PRDM9: variants seen among roughly 807,000 people sequenced by gnomAD.
PRDM9 encodes the protein PR/SET domain 9, also known as histone-lysine N-methyltransferase PRDM9.
In PRDM9, 47 loss-of-function variants were observed where a neutral mutation model predicts 55.6. That is an observed-to-expected ratio of 0.85 (90% CI 0.67 to 1.08). The LOEUF is 1.08. Among genes scored for constraint, PRDM9 ranks in the 50% least tolerant of loss-of-function variants. PRDM9 has a pLI of 0.00. For missense variants in PRDM9, 867 were observed against 1,040.3 expected (o/e 0.83, Z 2.29); for synonymous variants, 312 against 375.7 (o/e 0.83, Z 1.96).
chr5:23,515,732 A>G (rs1471599931), intron 4 of PRDM9, among the ~76,000 whole-genome samples: 4 of 152,306 alleles, frequency 2.6e-5, no homozygotes, highest in Middle Eastern at 6.8e-3. Flanking sequence ...TTGCATATGT[A>G]TATCCAATTT....
intron 8 of PRDM9, 137 bp downstream of exon 8, chr5:23,523,022 G>A (rs1452160876): frequency 6.8e-6 from 10 of 1,466,060 alleles, no homozygotes; most frequent in African/African-American, 2.8e-5. Context: ...TTCTTTGCAT[G>A]AACACGGAAC....
rs1561016403 is a variant in PRDM9 at position 23,509,912 on chromosome 5, CT to C, written c.194-4del. On this transcript the variant is annotated splice_region_variant and splice_polypyrimidine_tract_variant and intron_variant, in intron 3 of 10. Coordinates refer to ENST00000296682, the MANE Select transcript of PRDM9 (RefSeq NM_020227.4). Reference sequence around the variant, plus strand: ...CCATTTTAGAACAAAATTTTTGCTTCTTTTCAGGTCTCAGAGCCACTCGACC... The same window carrying C: ...CCATTTTAGAACAAAATTTTTGCTTCTTTCAGGTCTCAGAGCCACTCGACC... The C allele has an allele frequency of 1.2e-6, 2 of 1,614,034 alleles. No homozygotes were observed. The highest frequency in any genetic ancestry group is 2.2e-5 in the South Asian group (2 of 91,072).
In PRDM9 at chr5:23,517,873, C is replaced by A. The variant is rs1394586754; in HGVS notation, c.302-8C>A. Reference sequence around the variant, plus strand: ...CAACCAAACCACTGATTTCTCATCACCTTTTAGTCAAACCTCCTTGGATGG... The same window carrying A: ...CAACCAAACCACTGATTTCTCATCAACTTTTAGTCAAACCTCCTTGGATGG... On this transcript the variant is annotated splice_polypyrimidine_tract_variant and splice_region_variant and intron_variant, in intron 4 of 10. Coordinates refer to ENST00000296682, the MANE Select transcript of PRDM9 (RefSeq NM_020227.4). 6.3e-7 allele frequency: 1 copy of A among 1,584,562 alleles called. No homozygotes were observed. The highest frequency in any genetic ancestry group is 1.7e-4 in the Middle Eastern group (1 of 6,026).
chr5:23,508,878 G>T, intron 1 of PRDM9, 72 bp from the exon 2 acceptor site: 1 of 832,580 alleles, frequency 1.2e-6, no homozygotes, highest in Non-Finnish European at 1.9e-6. Context: ...CCAGCCAGAT[G>T]GAGAAGACAG....
Position 23,508,984 on chromosome 5 carries a change from C to G in PRDM9, c.-50C>G, listed in dbSNP as rs773401054. 1.2e-6 allele frequency: 2 copies of G among 1,605,826 alleles called. No homozygotes were observed. The highest frequency in any genetic ancestry group is 1.1e-5 in the South Asian group (1 of 90,574). The stretch of plus-strand genomic sequence containing the variant: ...GCCTAGGAGCTGGGAGACTCAGGGC[C>G]CTTCTCACACTCAGAATTGGAGCAG... On this transcript the variant is annotated 5_prime_UTR_variant, in exon 2 of 11. Coordinates refer to ENST00000296682, the MANE Select transcript of PRDM9 (RefSeq NM_020227.4).
At chr5:23,520,752 T>C (rs773823837) in intron 5 of PRDM9, among the ~76,000 whole-genome samples, 14 of 152,174 alleles carry the variant, frequency 9.2e-5, no homozygotes, top group Non-Finnish European at 1.8e-4. Context: ...TTGTTGATTC[T>C]CCAGCTAGTC....
At chr5:23,510,764 T>C (rs960810490) in intron 4 of PRDM9, among the ~76,000 whole-genome samples, 3 of 151,728 alleles carry the variant, frequency 2.0e-5, no homozygotes, top group South Asian at 2.1e-4. Flanking sequence ...CTCAAACTCC[T>C]GGGCTTAAGC....
intron 4 of PRDM9, among the ~76,000 whole-genome samples, chr5:23,512,436 G>A (rs1406390103): frequency 2.0e-5 from 3 of 152,026 alleles, no homozygotes; most frequent in Non-Finnish European, 2.9e-5. Flanking sequence ...CCCATCTATG[G>A]ATTTTAGATT....
intron 10 of PRDM9, among the ~76,000 whole-genome samples, chr5:23,525,961 A>C (rs1267804969): frequency 2.0e-5 from 3 of 152,254 alleles, no homozygotes; most frequent in Middle Eastern, 3.4e-3. Context: ...CATCTATGTA[A>C]GGAATGACAC....
chr5:23,507,278 C>A (rs1479460590), upstream of PRDM9: 1 of 152,452 alleles, frequency 6.6e-6, no homozygotes, highest in Non-Finnish European at 1.5e-5. Context: ...ACGTGAGGAG[C>A]AGCCCCGACG....
intron 1 of PRDM9, among the ~76,000 whole-genome samples, chr5:23,508,560 G>A (rs1739028312): frequency 6.6e-6 from 1 of 152,078 alleles, no homozygotes; most frequent in African/African-American, 2.4e-5. Flanking sequence ...TTGTCTCGCT[G>A]AAACAGAACT....
At chr5:23,521,202 A>C (rs555649966) in intron 6 of PRDM9, 23 bp downstream of exon 6, 1 of 1,611,626 alleles carries the variant, frequency 6.2e-7, no homozygotes, top group African/African-American at 1.3e-5. Flanking sequence ...ATTTGCGGGG[A>C]CTTTAGTCCC....
At chr5:23,522,451 G>A (rs1201757234) in intron 7 of PRDM9, 46 bp downstream of exon 7, 4 of 1,587,856 alleles carry the variant, frequency 2.5e-6, no homozygotes, top group African/African-American at 1.3e-5. Context: ...GTTATGTCCT[G>A]GTGCAATAAT....
In PRDM9 at chr5:23,527,187, G is replaced by A. The variant is rs1739471389; in HGVS notation, c.2099G>A (p.Gly700Asp). The A allele has an allele frequency of 1.5e-6, 1 of 646,126 alleles. No homozygotes were observed. The highest frequency in any genetic ancestry group is 2.6e-6 in the Non-Finnish European group (1 of 382,912). 40.0% of individuals were successfully genotyped at this position (646,126 alleles called of 1,614,324 possible). A position where few individuals can be genotyped will look rare whatever the true frequency, so the allele number is the denominator to read the frequency against. Residue 700 changes from glycine (G) to aspartate (D), a missense_variant, in exon 11 of 11, where the codon GGC becomes GAC. Physicochemically the swap from Gly to Asp is moderately conservative, Grantham distance 94. This residue lies in a region of PRDM9 where 92 missense variants were observed against 185.7 expected (regional missense o/e 0.50). Transcript: ENST00000296682. ...TATGTCTGCAGGGAGTGTGGGCGGGGCTTTAGCTGGCAGTCAGTCCTCCTC... is the reference window on the plus strand; with the variant it reads ...TATGTCTGCAGGGAGTGTGGGCGGGACTTTAGCTGGCAGTCAGTCCTCCTC... ...KPYVCRECGR[G>D]FSWQSVLLTH... is the part of the protein sequence containing the mutation.
chr5:23,508,811 A>T, intron 1 of PRDM9, 139 bp from the exon 2 acceptor site: 1 of 572,752 alleles, frequency 1.7e-6, no homozygotes, highest in Non-Finnish European at 3.1e-6. Context: ...GTACCCTCAA[A>T]TCTCCCTGGG....
chr5:23,517,995 A>G, intron 5 of PRDM9, 65 bp downstream of exon 5: 1 of 1,423,720 alleles, frequency 7.0e-7, no homozygotes, highest in Non-Finnish European at 9.9e-7. Context: ...AGGTAAGAGG[A>G]GGAGAATGTA....
At chr5:23,525,756 C>G (rs1046042116) in intron 10 of PRDM9, among the ~76,000 whole-genome samples, 2 of 152,172 alleles carry the variant, frequency 1.3e-5, no homozygotes, top group African/African-American at 2.4e-5. Flanking sequence ...CTTTTCCCCT[C>G]TTAGGAAATC....
chr5:23,524,537 A>G lies in PRDM9; in HGVS notation c.1144+10A>G. On this transcript the variant is annotated intron_variant, in intron 10 of 10. Coordinates refer to ENST00000296682, the MANE Select transcript of PRDM9 (RefSeq NM_020227.4). The stretch of plus-strand genomic sequence containing the variant: ...CTCATGGCAGGGAGAGGTAGGCATC[A>G]CTATTACTCTTTTAAAAGGACAGGA... The G allele has an allele frequency of 6.2e-7, 1 of 1,613,670 alleles. No homozygotes were observed. Among genetic ancestry groups the G allele is most frequent in the Non-Finnish European group, 8.5e-7 (1 of 1,179,620 alleles).
intron 10 of PRDM9, among the ~76,000 whole-genome samples, chr5:23,525,218 C>T (rs1016167977): frequency 9.9e-5 from 15 of 152,156 alleles, no homozygotes; most frequent in Non-Finnish European, 2.1e-4. Context: ...AGGCACAGGG[C>T]GCAGCTAGTG....
Sources: allele counts gnomAD v4.1 joint callset (sites outside exome capture counted in the v4.1 genomes callset), GRCh38; gene constraint gnomAD v4.1.1; regional missense constraint gnomAD v4.1.1; transcripts MANE v1.5; gene names NCBI Gene and HGNC (gene_info 2026-07-23, HGNC 2026-07-21).